ATG7: variants seen among roughly 807,000 people sequenced by gnomAD.
ATG7 encodes the protein autophagy related 7, also known as ubiquitin-like modifier-activating enzyme ATG7.
ATG7 carries 70 observed loss-of-function variants against 82.4 expected under a neutral mutation model. The ratio of observed to expected loss-of-function variants is 0.85; its 90% CI spans 0.70 to 1.04. The LOEUF (loss-of-function observed/expected upper bound fraction) is 1.04, where lower values mean the gene tolerates loss of function less well. Among genes scored for constraint, ATG7 ranks in the 50% least tolerant of loss-of-function variants. The pLI, the probability that ATG7 is intolerant of heterozygous loss-of-function variation, is 0.00. For synonymous variants in ATG7, 287 were observed against 313.0 expected (o/e 0.92, Z 0.88); for missense variants, 792 against 864.3 (o/e 0.92, Z 1.05).
At position 11,540,633 on chromosome 3, in the gene ATG7, C is replaced by G. The variant is rs1182193041; in HGVS notation, c.2080-14178C>G. Among the ~76,000 whole-genome samples the G allele has an allele frequency of 4.0e-5, 3 of 74,878 alleles. No individual in the cohort carries two copies. The East Asian group carries it at 1.6e-3, about 39-fold the overall frequency. The allele number at this position is 74,878 out of a possible 152,430, so 49.1% of individuals were successfully genotyped here. ...TCCAGCTAGGGCAACACAGTGACAC[C>G]CCATCTCAAAAAAAAAAAGTCTTAT... On this transcript the variant is annotated intron_variant, in intron 20 of 20. Coordinates refer to ENST00000693202, the MANE Select transcript of ATG7 (RefSeq NM_001349232.2).
At chr3:11,462,238 C>T (rs1379418351) in intron 20 of ATG7, among the ~76,000 whole-genome samples, 2 of 151,876 alleles carry the variant, frequency 1.3e-5, no homozygotes, top group Non-Finnish European at 2.9e-5. Context: ...GGTTCAGGGC[C>T]CTCTCGTCAC....
At chr3:11,509,213 T>TA (rs1472356660) in intron 20 of ATG7, among the ~76,000 whole-genome samples, 2 of 152,228 alleles carry the variant, frequency 1.3e-5, no homozygotes, top group Non-Finnish European at 2.9e-5. Flanking sequence ...TTTTAGCTTA[T>TA]AAACATAGAG....
downstream of ATG7, chr3:11,558,898 C>A: frequency 1.9e-6 from 3 of 1,548,578 alleles, 1 homozygote; most frequent in South Asian, 3.5e-5. Flanking sequence ...TTGCAGCACC[C>A]TCCCTCAGGC....
chr3:11,461,450 G>A lies in ATG7; in HGVS notation c.2079+34524G>A, dbSNP rs143058378. On this transcript the variant is annotated intron_variant, in intron 20 of 20. Coordinates refer to ENST00000693202, the MANE Select transcript of ATG7 (RefSeq NM_001349232.2). Reference sequence around the variant, plus strand: ...TTCTTCCCTTAAGAGAAATCAAAAGGCTTTCACTTTTCCCCTCTCTGCCCT... The same window carrying A: ...TTCTTCCCTTAAGAGAAATCAAAAGACTTTCACTTTTCCCCTCTCTGCCCT... Among the ~76,000 whole-genome samples the A allele has an allele frequency of 4.6e-3, 697 of 152,198 alleles. 4 individuals are homozygous for A. Among genetic ancestry groups the A allele is most frequent in the South Asian group, 0.024 (114 of 4,818 alleles).
chr3:11,572,934 G>A, the ATG7 span, among the ~76,000 whole-genome samples: 2 of 152,146 alleles, frequency 1.3e-5, no homozygotes, highest in East Asian at 3.9e-4. Context: ...TTGGGAGGCC[G>A]AGACAGGTGG....
intron 19 of ATG7, among the ~76,000 whole-genome samples, chr3:11,385,175 G>A (rs1473795758): frequency 1.3e-5 from 2 of 152,012 alleles, no homozygotes; most frequent in East Asian, 1.9e-4. Flanking sequence ...GACTACAGGC[G>A]TGCGCCACCA....
At chr3:11,311,148 C>A (rs1318506403) in intron 7 of ATG7, among the ~76,000 whole-genome samples, 1 of 152,112 alleles carries the variant, frequency 6.6e-6, no homozygotes, top group Non-Finnish European at 1.5e-5. Context: ...ACTGAGCATT[C>A]TTAGCCTGAC....
At chr3:11,299,524 C>T (rs1946455352) in intron 5 of ATG7, 108 bp downstream of exon 5, 1 of 1,167,966 alleles carries the variant, frequency 8.6e-7, no homozygotes, top group Non-Finnish European at 1.3e-6. Flanking sequence ...AGGGAAGTTC[C>T]CGGTGGGCAG....
chr3:11,349,430 T>G (rs887491231), intron 14 of ATG7, among the ~76,000 whole-genome samples: 8 of 152,102 alleles, frequency 5.3e-5, no homozygotes, highest in Non-Finnish European at 7.4e-5. Context: ...CCAGCTACAC[T>G]AGTGGCTGAA....
intron 20 of ATG7, among the ~76,000 whole-genome samples, chr3:11,499,436 T>C (rs981741089): frequency 1.2e-4 from 18 of 152,268 alleles, no homozygotes; most frequent in African/African-American, 4.1e-4. Flanking sequence ...GTTAGTATCA[T>C]GTTGCTTTCC....
Position 11,462,044 on chromosome 3 carries a change from A to G in ATG7, c.2079+35118A>G, listed in dbSNP as rs2086361199. On this transcript the variant is annotated intron_variant, in intron 20 of 20. Coordinates refer to ENST00000693202, the MANE Select transcript of ATG7 (RefSeq NM_001349232.2). ...AGACTCTGTCTCCAAAAAAAAAGAA[A>G]GAAAGATGTGGACTCTGAATCTAAG... Among the ~76,000 whole-genome samples the G allele has an allele frequency of 4.0e-5, 6 of 151,522 alleles. 1 individual carries two copies. In the South Asian group the frequency reaches 1.3e-3, roughly 32 times the overall value.
At chr3:11,357,324 TTATA>T (rs1432814595) in intron 14 of ATG7, among the ~76,000 whole-genome samples, 11 of 152,104 alleles carry the variant, frequency 7.2e-5, no homozygotes, top group Non-Finnish European at 1.6e-4. Context: ...AGATGGTAAA[TTATA>T]AAGCTGTTCT....
intron 11 of ATG7, among the ~76,000 whole-genome samples, chr3:11,339,167 G>A (rs915225258): frequency 4.0e-5 from 6 of 151,756 alleles, no homozygotes; most frequent in African/African-American, 7.3e-5. Context: ...ATGCTGGCGG[G>A]CGCGTGTACT....
At chr3:11,482,685 G>A (rs1470499725) in intron 20 of ATG7, among the ~76,000 whole-genome samples, 1 of 151,972 alleles carries the variant, frequency 6.6e-6, no homozygotes, top group Admixed American at 6.6e-5. Context: ...AAACATCTGA[G>A]TGATAGAGAG....
intron 20 of ATG7, among the ~76,000 whole-genome samples, chr3:11,457,923 T>C (rs2085904622): frequency 6.6e-6 from 1 of 152,136 alleles, no homozygotes; most frequent in Admixed American, 6.5e-5. Flanking sequence ...TTGCCTGGTA[T>C]GGAGGAAGTA....
intron 20 of ATG7, among the ~76,000 whole-genome samples, chr3:11,455,439 T>C (rs149809800): frequency 1.0e-3 from 156 of 152,296 alleles, no homozygotes; most frequent in Non-Finnish European, 1.9e-3. Context: ...GGTCCACATT[T>C]GGTGGTCCAC....
At chr3:11,468,505 G>A (rs908805802) in intron 20 of ATG7, among the ~76,000 whole-genome samples, 4 of 152,186 alleles carry the variant, frequency 2.6e-5, no homozygotes, top group Non-Finnish European at 5.9e-5. Flanking sequence ...CTTAGGCACT[G>A]GGCCACTGAG....
chr3:11,298,178 T>TAA (rs202087285), intron 3 of ATG7, among the ~76,000 whole-genome samples: 1 of 142,094 alleles, frequency 7.0e-6, no homozygotes. Flanking sequence ...CCATCTCAAT[T>TAA]AAAAAAAAAA....
At chr3:11,558,712 G>A, downstream of ATG7, 1 of 1,614,122 alleles carries the variant, frequency 6.2e-7, no homozygotes, top group Non-Finnish European at 8.5e-7. Flanking sequence ...TGGCAAAGTG[G>A]TCGTCCACGG....
Sources: allele counts gnomAD v4.1 joint callset (sites outside exome capture counted in the v4.1 genomes callset), GRCh38; gene constraint gnomAD v4.1.1; transcripts MANE v1.5; gene names NCBI Gene and HGNC (gene_info 2026-07-23, HGNC 2026-07-21).